The following STAG1 variants were observed in gnomAD, a reference collection of about 807,000 sequenced individuals.
STAG1 encodes STAG1 cohesin complex component, also known as cohesin subunit SA-1.
In STAG1, 26 loss-of-function variants were observed where a neutral mutation model predicts 170.9. The observed-to-expected ratio is 0.15, with a 90% confidence interval of 0.11 to 0.21. STAG1 has a LOEUF of 0.21. Ranked by LOEUF, STAG1 falls within the 10% of genes least tolerant of loss-of-function variation. The probability of loss-of-function intolerance (pLI) is 1.00; values close to 1 mark genes in which losing one functional copy is unlikely to be tolerated. For missense variants in STAG1, 964 were observed against 1,509.5 expected (o/e 0.64, Z 5.99); for synonymous variants, 514 against 497.7 (o/e 1.03, Z -0.44).
At chr3:136,731,156 TCA>T (rs1934016741) in intron 1 of STAG1, among the ~76,000 whole-genome samples, 1 of 151,842 alleles carries the variant, frequency 6.6e-6, no homozygotes, top group Non-Finnish European at 1.5e-5. Context: ...CTTTCAAAAC[TCA>T]CATAACAATT....
In STAG1 at chr3:136,464,930, A is replaced by C; in HGVS notation, c.1264T>G (p.Ser422Ala). The change falls in exon 13 of 34, where the codon TCG becomes GCG. Residue 422 changes from serine (S) to alanine (A), a missense_variant. Around this residue, in one of 11 missense-constraint regions of STAG1, gnomAD observed 162 missense variants for 211.2 expected, o/e 0.77. Transcript: ENST00000383202. ...DCENVYHLVY[S>A]AHRPVAVAAG... Reference sequence around the variant, plus strand: ...GCCACAGCAACAGGGCGATGTGCCGAGTACACCAAGTGGTAAACATTTTCA... The same window carrying C: ...GCCACAGCAACAGGGCGATGTGCCGCGTACACCAAGTGGTAAACATTTTCA... 6.2e-7 allele frequency: 1 copy of C among 1,613,118 alleles called. No homozygotes were observed. Among genetic ancestry groups the C allele is most frequent in the Non-Finnish European group, 8.5e-7 (1 of 1,179,638 alleles).
At chr3:136,534,873 T>TGATC (rs2107715897) in intron 6 of STAG1, among the ~76,000 whole-genome samples, 1 of 152,322 alleles carries the variant, frequency 6.6e-6, no homozygotes, top group African/African-American at 2.4e-5. Flanking sequence ...AACTACCATA[T>TGATC]GATCCAGCAA....
intron 6 of STAG1, among the ~76,000 whole-genome samples, chr3:136,521,821 A>AT (rs2107906633): frequency 6.6e-6 from 1 of 152,358 alleles, no homozygotes; most frequent in East Asian, 1.9e-4. Context: ...ACATCTTTCA[A>AT]TATTTTAAAT....
At position 136,682,614 on chromosome 3, in the gene STAG1, TAAGAA is replaced by T; in HGVS notation, c.-83-51638_-83-51634del. 2.0e-5 allele frequency among the ~76,000 whole-genome samples: 3 copies of T among 151,886 alleles called. No homozygotes were observed. The East Asian group carries it at 5.8e-4, about 29-fold the overall frequency. On this transcript the variant is annotated intron_variant, in intron 1 of 33. Transcript: ENST00000383202. ...CTTTTAAACAATTTGAAAATGAAAT[TAAGAA>T]AAGAATTCCATTTACAATACCATGA...
At chr3:136,467,423 T>C (rs1023935277) in intron 12 of STAG1, among the ~76,000 whole-genome samples, 11 of 152,100 alleles carry the variant, frequency 7.2e-5, no homozygotes, top group Non-Finnish European at 1.5e-4. Flanking sequence ...GGCCATTACA[T>C]AATGGCAAAG....
intron 13 of STAG1, among the ~76,000 whole-genome samples, chr3:136,457,549 G>C (rs1005228902): frequency 6.6e-6 from 1 of 151,906 alleles, no homozygotes; most frequent in African/African-American, 2.4e-5. Context: ...ACCAGCGTTG[G>C]CCCCCTGGAC....
At chr3:136,609,677 G>C (rs538998289) in intron 3 of STAG1, 3 of 170,460 alleles carry the variant, frequency 1.8e-5, no homozygotes, top group East Asian at 3.5e-4. Flanking sequence ...ATCAACTATT[G>C]TATAAATGCA....
At chr3:136,424,328 C>CT (rs60213699) in intron 16 of STAG1, among the ~76,000 whole-genome samples, 10,533 of 117,152 alleles carry the variant, frequency 0.09, 1,581 homozygotes, top group African/African-American at 0.3. Context: ...ATGGAACGAT[C>CT]TTTTTTTTTT....
At chr3:136,386,372 T>C (rs1337987251) in intron 22 of STAG1, among the ~76,000 whole-genome samples, 6 of 151,970 alleles carry the variant, frequency 3.9e-5, no homozygotes, top group Admixed American at 3.9e-4. Context: ...ATAAAAGTCT[T>C]GTCAGCAAGA....
At chr3:136,550,949 A>G (rs188495635) in intron 5 of STAG1, among the ~76,000 whole-genome samples, 6 of 152,264 alleles carry the variant, frequency 3.9e-5, no homozygotes, top group African/African-American at 1.4e-4. Context: ...TATAAAATCA[A>G]GTCACTATCG....
At chr3:136,453,484 G>A (rs1169354005) in intron 13 of STAG1, among the ~76,000 whole-genome samples, 6 of 151,696 alleles carry the variant, frequency 4.0e-5, no homozygotes, top group East Asian at 1.9e-4. Flanking sequence ...CCACCTACTC[G>A]GGAGGCTGAG....
intron 13 of STAG1, among the ~76,000 whole-genome samples, chr3:136,459,261 AC>A (rs2089208958): frequency 6.6e-6 from 1 of 152,018 alleles, no homozygotes; most frequent in African/African-American, 2.4e-5. Flanking sequence ...AGAAAAAAAG[AC>A]AAAGAATACC....
At chr3:136,696,131 T>C (rs948972037) in intron 1 of STAG1, among the ~76,000 whole-genome samples, 1 of 152,198 alleles carries the variant, frequency 6.6e-6, no homozygotes, top group African/African-American at 2.4e-5. Context: ...AAAAAGCTTG[T>C]TGACATTAGC....
intron 1 of STAG1, among the ~76,000 whole-genome samples, chr3:136,722,710 C>T (rs1180730764): frequency 6.7e-6 from 1 of 148,754 alleles, no homozygotes; most frequent in Non-Finnish European, 1.5e-5. Flanking sequence ...TCTCCCTCTC[C>T]CTCTCTTTCC....
chr3:136,725,398 T>C (rs1366106852), intron 1 of STAG1, among the ~76,000 whole-genome samples: 1 of 152,230 alleles, frequency 6.6e-6, no homozygotes, highest in African/African-American at 2.4e-5. Flanking sequence ...GCTGGTTCCA[T>C]GCATGTTGTG....
At chr3:136,498,507 G>A (rs947126835) in intron 9 of STAG1, among the ~76,000 whole-genome samples, 1 of 151,654 alleles carries the variant, frequency 6.6e-6, no homozygotes, top group African/African-American at 2.4e-5. Flanking sequence ...ACAACAGGAA[G>A]GGAGGTAGAA....
intron 1 of STAG1, among the ~76,000 whole-genome samples, chr3:136,705,236 C>A (rs1054999989): frequency 6.6e-6 from 1 of 152,060 alleles, no homozygotes; most frequent in Non-Finnish European, 1.5e-5. Flanking sequence ...ATTAGCCACA[C>A]GTGGTGGCAT....
In STAG1 at chr3:136,532,218, C is replaced by T. The variant is rs148207821; in HGVS notation, c.471+9901G>A. Among the ~76,000 whole-genome samples the T allele has an allele frequency of 3.2e-4, 49 of 152,280 alleles. 1 individual carries two copies. The East Asian group carries it at 9.3e-3, about 29-fold the overall frequency. ...AGAGACTATTATGAACAACTATACACTAACAAATTGCTTGATCATGGTATA... is the reference window on the plus strand; with the variant it reads ...AGAGACTATTATGAACAACTATACATTAACAAATTGCTTGATCATGGTATA... On this transcript the variant is annotated intron_variant, in intron 6 of 33. Transcript: ENST00000383202.
At chr3:136,399,244 CAT>C (rs1299102772) in intron 21 of STAG1, among the ~76,000 whole-genome samples, 2 of 152,076 alleles carry the variant, frequency 1.3e-5, no homozygotes, top group African/African-American at 4.8e-5. Flanking sequence ...TGAAAACAGT[CAT>C]ATCAAATATA....
Sources: allele counts gnomAD v4.1 joint callset (sites outside exome capture counted in the v4.1 genomes callset), GRCh38; gene constraint gnomAD v4.1.1; regional missense constraint gnomAD v4.1.1; transcripts MANE v1.5; gene names NCBI Gene and HGNC (gene_info 2026-07-23, HGNC 2026-07-21).